The following SPATS2L variants were observed in gnomAD, a reference collection of about 807,000 sequenced individuals.
SPATS2L encodes SPATS2-like protein.
A neutral mutation model predicts 59.6 loss-of-function variants in SPATS2L; 30 were observed. That is an observed-to-expected ratio of 0.50 (90% confidence interval 0.38 to 0.68). The LOEUF is 0.68. Ranked by LOEUF, SPATS2L falls within the 30% of genes least tolerant of loss-of-function variation. SPATS2L has a pLI of 0.00. For missense variants in SPATS2L, 615 were observed against 700.0 expected (o/e 0.88, Z 1.37); for synonymous variants, 252 against 263.5 (o/e 0.96, Z 0.42).
At chr2:200,367,715 T>C (rs1198144704) in intron 2 of SPATS2L, among the ~76,000 whole-genome samples, 1 of 150,122 alleles carries the variant, frequency 6.7e-6, no homozygotes, top group Non-Finnish European at 1.5e-5. Flanking sequence ...CCAATTTTTA[T>C]GCTACATATG....
At chr2:200,468,703 G>A (rs559631501) in intron 10 of SPATS2L, among the ~76,000 whole-genome samples, 5 of 152,236 alleles carry the variant, frequency 3.3e-5, no homozygotes, top group East Asian at 3.9e-4. Flanking sequence ...CTTCAGCCTC[G>A]TACTCCACTA....
chr2:200,336,107 CAATTTT>C (rs2080134450), intron 2 of SPATS2L, among the ~76,000 whole-genome samples: 1 of 152,106 alleles, frequency 6.6e-6, no homozygotes, highest in Admixed American at 6.6e-5. Flanking sequence ...AAGTTGAAGA[CAATTTT>C]AATATTGCAA....
At chr2:200,330,415 G>A (rs907750665) in intron 2 of SPATS2L, among the ~76,000 whole-genome samples, 1 of 152,166 alleles carries the variant, frequency 6.6e-6, no homozygotes, top group Middle Eastern at 3.2e-3. Context: ...GTGGGAGTTG[G>A]TTGTTTTCCA....
Position 200,416,369 on chromosome 2 carries a change from CT to C in SPATS2L, c.149-7del. On this transcript the variant is annotated splice_polypyrimidine_tract_variant and intron_variant, in intron 4 of 12. Transcript: ENST00000409140. ...TGAATATTTGTTGAAGATTCTTTGT[CT>C]TTATCTAGGCAGTGCAATTCAAGTT... The C allele has an allele frequency of 7.1e-7, 1 of 1,414,164 alleles. No homozygotes were observed. The highest frequency in any genetic ancestry group is 1.6e-5 in the South Asian group (1 of 62,048). The allele number at this position is 1,414,164 out of a possible 1,614,324, so 87.6% of individuals were successfully genotyped here. A position where few individuals can be genotyped will look rare whatever the true frequency, so the allele number is the denominator to read the frequency against.
intron 2 of SPATS2L, among the ~76,000 whole-genome samples, chr2:200,357,560 C>A (rs1254124742): frequency 6.6e-6 from 1 of 152,128 alleles, no homozygotes; most frequent in East Asian, 1.9e-4. Flanking sequence ...AAATCAGATG[C>A]CTCTTTTCTT....
In SPATS2L at chr2:200,472,931, T is replaced by A. The variant is rs374690111; in HGVS notation, c.1160T>A (p.Phe387Tyr). 1.5e-5 allele frequency: 24 copies of A among 1,613,576 alleles called. No homozygotes were observed. The highest frequency in any genetic ancestry group is 1.9e-5 in the Non-Finnish European group (22 of 1,179,850). The change falls in exon 12 of 13, where the codon TTT (phenylalanine) becomes TAT (tyrosine). Residue 387 changes from phenylalanine (F) to tyrosine (Y), a missense_variant. Phe to Tyr is a conservative substitution (Grantham distance 22). Around this residue, in one of 3 missense-constraint regions of SPATS2L, gnomAD observed 284 missense variants for 280.1 expected, o/e 1.01. Transcript: ENST00000409140. ...GCAACCTCTGGGAAACAGAGTAACT[T>A]TTCCCGAAAATCATCCACTCACAAT... ...HAATSGKQSN[F>Y]SRKSSTHNKP... is the part of the protein sequence containing the mutation.
chr2:200,402,115 GC>G (rs1270496352), intron 3 of SPATS2L, among the ~76,000 whole-genome samples: 1 of 152,078 alleles, frequency 6.6e-6, no homozygotes, highest in African/African-American at 2.4e-5. Flanking sequence ...TTTCTACACT[GC>G]CCCATCTTGG....
rs73050398 is a variant in SPATS2L, at chr2:200,318,090, C to A, written c.-73+11168C>A. Among the ~76,000 whole-genome samples the A allele has an allele frequency of 6.0e-3, 910 of 152,272 alleles. 14 individuals are homozygous for A. Among genetic ancestry groups the A allele is most frequent in the African/African-American group, 0.021 (867 of 41,544 alleles). On this transcript the variant is annotated intron_variant, in intron 1 of 12. Coordinates refer to ENST00000409140, the MANE Select transcript of SPATS2L (RefSeq NM_001100423.2). The stretch of plus-strand genomic sequence containing the variant: ...GATTACCAGTACATAACTGAGAAAA[C>A]CCATTTGTTGAAGTGCTGTAAACAG...
At position 200,472,941 on chromosome 2, in the gene SPATS2L, A is replaced by G. The variant is rs749839373; in HGVS notation, c.1170A>G (p.Lys390=). Residue 390 remains lysine, a synonymous_variant, in exon 12 of 13, where the codon AAA becomes AAG. Transcript: ENST00000409140. The part of the protein sequence containing the change: ...TSGKQSNFSR[K]SSTHNKPSEG... ...GGAAACAGAGTAACTTTTCCCGAAAATCATCCACTCACAATAAGCCCTCTG... is the reference window on the plus strand; with the variant it reads ...GGAAACAGAGTAACTTTTCCCGAAAGTCATCCACTCACAATAAGCCCTCTG... 6.2e-6 allele frequency: 10 copies of G among 1,613,840 alleles called. No individual in the cohort carries two copies. Among genetic ancestry groups the G allele is most frequent in the Non-Finnish European group, 8.5e-6 (10 of 1,179,866 alleles).
At chr2:200,469,714 T>C in intron 10 of SPATS2L, 200 bp from the exon 11 acceptor site, 1 of 515,120 alleles carries the variant, frequency 1.9e-6, no homozygotes, top group Non-Finnish European at 3.4e-6. Context: ...CCTCACATAT[T>C]CCCCAGGCAG....
At chr2:200,395,086 A>G (rs1035615086) in intron 3 of SPATS2L, among the ~76,000 whole-genome samples, 2 of 152,224 alleles carry the variant, frequency 1.3e-5, no homozygotes, top group East Asian at 1.9e-4. Flanking sequence ...AATACTAGAA[A>G]TTTATAGATG....
intron 3 of SPATS2L, among the ~76,000 whole-genome samples, chr2:200,394,007 C>T (rs1382148698): frequency 6.6e-6 from 1 of 152,184 alleles, no homozygotes; most frequent in African/African-American, 2.4e-5. Flanking sequence ...CTTCATGCAG[C>T]TTTTAGTCCA....
At position 200,469,378 on chromosome 2, in the gene SPATS2L, C is replaced by T. The variant is rs567642545; in HGVS notation, c.958-536C>T. ...TATTTCTCACCATGTCTTCTACACA[C>T]AGATCTTAATTTTAAATGAATGGAA... On this transcript the variant is annotated intron_variant, in intron 10 of 12. Coordinates refer to ENST00000409140, the MANE Select transcript of SPATS2L (RefSeq NM_001100423.2). 2.6e-5 allele frequency among the ~76,000 whole-genome samples: 4 copies of T among 152,318 alleles called. No individual in the cohort carries two copies. The South Asian group carries it at 8.3e-4, about 32-fold the overall frequency.
At chr2:200,366,650 A>G (rs1343403246) in intron 2 of SPATS2L, among the ~76,000 whole-genome samples, 1 of 152,208 alleles carries the variant, frequency 6.6e-6, no homozygotes, top group Admixed American at 6.5e-5. Context: ...GAAAATGCAA[A>G]CTAACATCCC....
At chr2:200,428,051 C>CAGAGCAG (rs10643188) in intron 6 of SPATS2L, among the ~76,000 whole-genome samples, 2 of 148,768 alleles carry the variant, frequency 1.3e-5, no homozygotes, top group Non-Finnish European at 3.0e-5. Context: ...GCCTGGGTGA[C>CAGAGCAG]AGCGAGACCG....
chr2:200,393,179 C>T (rs2082222832), intron 3 of SPATS2L: 1 of 456,580 alleles, frequency 2.2e-6, no homozygotes. Flanking sequence ...TAGAACAGCT[C>T]CTAAAGTTGG....
At chr2:200,454,922 TCAG>T (rs1170873699) in intron 8 of SPATS2L, among the ~76,000 whole-genome samples, 1 of 152,186 alleles carries the variant, frequency 6.6e-6, no homozygotes, top group East Asian at 1.9e-4. Flanking sequence ...GCAAAAACAT[TCAG>T]AACTTAGCAT....
intron 6 of SPATS2L, among the ~76,000 whole-genome samples, chr2:200,427,824 T>C (rs998987706): frequency 1.3e-5 from 2 of 152,152 alleles, no homozygotes; most frequent in Non-Finnish European, 2.9e-5. Flanking sequence ...GATAGAAGAA[T>C]GATGAAACTT....
Position 200,383,252 on chromosome 2 carries a change from A to G in SPATS2L, c.-22-5971A>G, listed in dbSNP as rs554059075. Among the ~76,000 whole-genome samples the G allele has an allele frequency of 4.3e-4, 66 of 152,326 alleles. 2 individuals are homozygous for G. In the South Asian group the frequency reaches 0.013, roughly 31 times the overall value. On this transcript the variant is annotated intron_variant, in intron 2 of 12. Transcript: ENST00000409140. ...AAATATAATGTAAGCCACACATAAA[A>G]TCATACATTTTCTAGCAGTCACATT...
Sources: gnomAD v4.1 joint callset for allele counts (sites outside exome capture counted in the v4.1 genomes callset) on GRCh38, gnomAD v4.1.1 for gene constraint, gnomAD v4.1.1 regional missense constraint, MANE v1.5 for transcripts, NCBI Gene and HGNC (gene_info 2026-07-23, HGNC 2026-07-21) for gene names.